Variants in PPP4R4 observed in about 807,000 individuals in gnomAD.
PPP4R4 encodes the protein serine/threonine-protein phosphatase 4 regulatory subunit 4.
In PPP4R4, 70 loss-of-function variants were observed where a neutral mutation model predicts 121.8. That is an observed-to-expected ratio of 0.57 (90% CI 0.47 to 0.70). The LOEUF (loss-of-function observed/expected upper bound fraction) is 0.70. Ranked by LOEUF, PPP4R4 falls within the 30% of genes least tolerant of loss-of-function variation. PPP4R4 has a pLI of 0.00. For synonymous variants in PPP4R4, 348 were observed against 355.7 expected, an observed-to-expected ratio of 0.98 and a Z score of 0.24; for missense variants, 875 against 1,033.6, an observed-to-expected ratio of 0.85 and a Z score of 2.10.
chr14:94,210,394 G>T (rs1890683400), intron 3 of PPP4R4, among the ~76,000 whole-genome samples: 1 of 151,358 alleles, frequency 6.6e-6, no homozygotes, highest in Admixed American at 6.6e-5. Context: ...AAACTGTAAG[G>T]TATGCCTGAG....
intron 19 of PPP4R4, among the ~76,000 whole-genome samples, chr14:94,260,787 G>C (rs1305164821): frequency 6.6e-6 from 1 of 151,744 alleles, no homozygotes; most frequent in Non-Finnish European, 1.5e-5. Context: ...ATTTATTAAT[G>C]GTGTCTTTTG....
At chr14:94,264,410 C>T (rs1485919582) in intron 19 of PPP4R4, among the ~76,000 whole-genome samples, 1 of 152,108 alleles carries the variant, frequency 6.6e-6, no homozygotes, top group Non-Finnish European at 1.5e-5. Context: ...TCTTGGCCTC[C>T]CAAAGTGCTG....
chr14:94,275,553 A>G (rs1403753858), intron 24 of PPP4R4, 32 bp downstream of exon 24: 5 of 1,609,024 alleles, frequency 3.1e-6, no homozygotes, highest in Non-Finnish European at 4.3e-6. Context: ...GACTGAGTGT[A>G]TTATCCTCCT....
At chr14:94,273,570 A>G (rs1894462646) in intron 23 of PPP4R4, among the ~76,000 whole-genome samples, 1 of 152,168 alleles carries the variant, frequency 6.6e-6, no homozygotes, top group South Asian at 2.1e-4. Context: ...AATCCGTAGC[A>G]TGTACGCCAT....
chr14:94,194,853 C>A (rs185425248), intron 2 of PPP4R4, among the ~76,000 whole-genome samples: 78 of 152,272 alleles, frequency 5.1e-4, no homozygotes, highest in African/African-American at 1.8e-3. Context: ...CCCAGGCATG[C>A]AAGTTAAGAA....
rs747899180 is a variant in PPP4R4, at chr14:94,264,920, A to G, written c.2170A>G (p.Met724Val). Reference protein sequence around the residue: ...KEKQQNDGRPMSDKMFEKKRR... With the variant: ...KEKQQNDGRPVSDKMFEKKRR... ...AAAGCAACAGAATGATGGAAGGCCC[A>G]TGAGTGATAAAATGTTTGAAAAGAA... Residue 724 changes from methionine (M) to valine (V), a missense_variant, in exon 20 of 25, where the codon ATG becomes GTG. By Grantham distance (21) the Met-to-Val change is conservative (BLOSUM62 1). Transcript: ENST00000304338. 6.9e-6 allele frequency: 11 copies of G among 1,603,444 alleles called. 1 individual carries two copies. Among genetic ancestry groups the G allele is most frequent in the East Asian group, 6.7e-5 (3 of 44,590 alleles).
Position 94,246,344 on chromosome 14 carries a change from G to T in PPP4R4, c.1429-13G>T, listed in dbSNP as rs368035725. 3.8e-5 allele frequency: 60 copies of T among 1,586,492 alleles called. No individual in the cohort carries two copies. The East Asian group carries it at 9.6e-4, about 25-fold the overall frequency. ...TTATTTATAATTGATTTTTTGATGCGTTTCATTTTCAGTTATCTTCTCTGC... is the reference window on the plus strand; with the variant it reads ...TTATTTATAATTGATTTTTTGATGCTTTTCATTTTCAGTTATCTTCTCTGC... On this transcript the variant is annotated splice_polypyrimidine_tract_variant and intron_variant, in intron 13 of 24. Transcript: ENST00000304338.
In PPP4R4 at chr14:94,222,514, C is replaced by A. The variant is rs77964879; in HGVS notation, c.295-8073C>A. Among the ~76,000 whole-genome samples the A allele has an allele frequency of 6.4e-3, 964 of 150,064 alleles. 10 individuals carry two copies. The highest frequency in any genetic ancestry group is 0.021 in the African/African-American group (860 of 41,124). ...AGATATTGTTTTATCTAACCAATATCTATTTAGATTTACCCACATAGCTAT... is the reference window on the plus strand; with the variant it reads ...AGATATTGTTTTATCTAACCAATATATATTTAGATTTACCCACATAGCTAT... On this transcript the variant is annotated intron_variant, in intron 3 of 24. Coordinates refer to ENST00000304338, the MANE Select transcript of PPP4R4 (RefSeq NM_058237.2).
intron 7 of PPP4R4, among the ~76,000 whole-genome samples, chr14:94,236,546 A>T (rs557033080): frequency 1.3e-5 from 2 of 152,144 alleles, no homozygotes; most frequent in African/African-American, 4.8e-5. Context: ...TTAGAAAAAC[A>T]TGTTTTTTTG....
At chr14:94,190,503 A>G (rs1889534729) in intron 2 of PPP4R4, among the ~76,000 whole-genome samples, 1 of 152,100 alleles carries the variant, frequency 6.6e-6, no homozygotes, top group Non-Finnish European at 1.5e-5. Flanking sequence ...CAGGAGGCTG[A>G]GGCAGGAGAA....
intron 3 of PPP4R4, among the ~76,000 whole-genome samples, chr14:94,210,678 G>T (rs1890697383): frequency 6.6e-6 from 1 of 152,152 alleles, no homozygotes; most frequent in Non-Finnish European, 1.5e-5. Flanking sequence ...AAGGTCTAGT[G>T]ACCATGGAAA....
intron 3 of PPP4R4, among the ~76,000 whole-genome samples, chr14:94,210,070 C>T (rs942255169): frequency 1.3e-5 from 2 of 151,448 alleles, no homozygotes; most frequent in Non-Finnish European, 3.0e-5. Context: ...TTCTTACTTT[C>T]TATTTAAAAT....
intron 19 of PPP4R4, among the ~76,000 whole-genome samples, chr14:94,261,430 A>G (rs985991316): frequency 1.3e-5 from 2 of 152,120 alleles, no homozygotes; most frequent in Non-Finnish European, 2.9e-5. Context: ...GTATCTTATA[A>G]ACTTTCTAAA....
chr14:94,268,549 A>C (rs985793092), intron 23 of PPP4R4, among the ~76,000 whole-genome samples: 3 of 152,156 alleles, frequency 2.0e-5, no homozygotes, highest in Admixed American at 6.5e-5. Flanking sequence ...GTATTTTATG[A>C]GGTGTATTTG....
intron 2 of PPP4R4, among the ~76,000 whole-genome samples, chr14:94,179,875 G>T (rs142164156): frequency 7.2e-5 from 11 of 152,278 alleles, no homozygotes; most frequent in African/African-American, 2.6e-4. Flanking sequence ...CTTGTTCTTC[G>T]CTGTGATATA....
intron 2 of PPP4R4, among the ~76,000 whole-genome samples, chr14:94,177,887 G>C (rs959708602): frequency 1.3e-5 from 2 of 152,212 alleles, no homozygotes; most frequent in African/African-American, 4.8e-5. Context: ...TTTTAAAAGA[G>C]ATTCAATATC....
At chr14:94,227,637 T>C in intron 3 of PPP4R4, 1 of 1,157,414 alleles carries the variant, frequency 8.6e-7, no homozygotes, top group Non-Finnish European at 1.1e-6. Flanking sequence ...AGATATGAAG[T>C]TGGAGAGCTT....
At position 94,250,352 on chromosome 14, in the gene PPP4R4, G is replaced by A. The variant is rs563477850; in HGVS notation, c.1717+75G>A. The A allele has an allele frequency of 4.1e-4, 388 of 946,228 alleles. 1 individual carries two copies. Among genetic ancestry groups the A allele is most frequent in the Admixed American group, 9.7e-5 (5 of 51,776 alleles). 58.6% of individuals were successfully genotyped at this position (946,228 alleles called of 1,614,324 possible). On this transcript the variant is annotated intron_variant, in intron 15 of 24. Coordinates refer to ENST00000304338, the MANE Select transcript of PPP4R4 (RefSeq NM_058237.2). ...TTGGCTTTAGTTATGTCTAACTTAT[G>A]TATCATTTTGCTGTGAATAATTAGG...
At chr14:94,248,969 T>C (rs778266966) in intron 14 of PPP4R4, among the ~76,000 whole-genome samples, 5 of 151,750 alleles carry the variant, frequency 3.3e-5, no homozygotes, top group Admixed American at 6.5e-5. Flanking sequence ...TTATTTTTTG[T>C]GCACAAATTG....
Sources: gnomAD v4.1 joint callset for allele counts (sites outside exome capture counted in the v4.1 genomes callset) on GRCh38, gnomAD v4.1.1 for gene constraint, MANE v1.5 for transcripts, NCBI Gene and HGNC (gene_info 2026-07-23, HGNC 2026-07-21) for gene names.